Variants in OGDH observed in about 807,000 individuals in gnomAD.
The protein encoded by OGDH is oxoglutarate dehydrogenase.
Under a neutral mutation model 116.6 loss-of-function variants are expected in OGDH, and 38 were observed. That is an observed-to-expected ratio of 0.33 (90% CI 0.25 to 0.43). The LOEUF (loss-of-function observed/expected upper bound fraction) is 0.43. OGDH is among the 20% of genes least tolerant of loss of function. The pLI is 1.00. For missense variants in OGDH, 825 were observed against 1,357.2 expected (o/e 0.61, Z 6.16); for synonymous variants, 488 against 533.3 (o/e 0.92, Z 1.17).
chr7:44,625,990 T>TG (rs1347930587), intron 2 of OGDH, among the ~76,000 whole-genome samples: 1 of 151,796 alleles, frequency 6.6e-6, no homozygotes, highest in African/African-American at 2.4e-5. Flanking sequence ...TAAAAGAAGG[T>TG]GGGGGGCGGG....
intron 20 of OGDH, among the ~76,000 whole-genome samples, chr7:44,702,220 GTA>G (rs1788864860): frequency 6.6e-6 from 1 of 152,242 alleles, no homozygotes; most frequent in South Asian, 2.1e-4. Flanking sequence ...AGGCAATTAA[GTA>G]TGTCCAAGAT....
chr7:44,618,721 A>T (rs1449388205), intron 1 of OGDH, among the ~76,000 whole-genome samples: 1 of 152,124 alleles, frequency 6.6e-6, no homozygotes, highest in Non-Finnish European at 1.5e-5. Context: ...TTTTCTCCCC[A>T]AGGGAGGCCA....
intron 18 of OGDH, among the ~76,000 whole-genome samples, chr7:44,698,974 T>G (rs1264763918): frequency 6.6e-6 from 1 of 151,546 alleles, no homozygotes; most frequent in Non-Finnish European, 1.5e-5. Flanking sequence ...TGAAACCCTG[T>G]CTTTACTAAA....
At chr7:44,692,842 C>G (rs1788419458) in intron 10 of OGDH, among the ~76,000 whole-genome samples, 1 of 150,826 alleles carries the variant, frequency 6.6e-6, no homozygotes, top group South Asian at 2.1e-4. Flanking sequence ...CAAGACCAGC[C>G]CGGGCAACAT....
intron 4 of OGDH, among the ~76,000 whole-genome samples, chr7:44,649,245 G>T (rs965786553): frequency 4.1e-3 from 398 of 97,842 alleles, no homozygotes; most frequent in Non-Finnish European, 4.8e-3. Flanking sequence ...ATTTTCTGTT[G>T]TTTTTTTTTT....
At position 44,707,449 on chromosome 7, in the gene OGDH, C is replaced by T. The variant is rs1482220562; in HGVS notation, c.2796+61C>T. ...GCGGGGGTCAGGGCTCTGGTGCCTT[C>T]ACAGAACAGCCTTGCTTGGGGTGTG... is the stretch of plus-strand genomic sequence containing the variant. On this transcript the variant is annotated intron_variant, in intron 21 of 22. Coordinates refer to ENST00000222673, the MANE Select transcript of OGDH (RefSeq NM_002541.4). The surrounding 1 kb of genome is among the most constrained non-coding windows in gnomAD (Gnocchi z 5.2). 2.5e-6 allele frequency: 4 copies of T among 1,604,280 alleles called. No homozygotes were observed. Among genetic ancestry groups the T allele is most frequent in the Non-Finnish European group, 3.4e-6 (4 of 1,174,580 alleles).
chr7:44,628,297 T>C (rs1785286502), intron 2 of OGDH, among the ~76,000 whole-genome samples: 1 of 152,228 alleles, frequency 6.6e-6, no homozygotes, highest in Non-Finnish European at 1.5e-5. Flanking sequence ...TAGAATTTTT[T>C]CTCAGTCCAT....
intron 4 of OGDH, among the ~76,000 whole-genome samples, chr7:44,660,071 TTCTC>T (rs1786868489): frequency 1.3e-5 from 2 of 152,336 alleles, no homozygotes; most frequent in African/African-American, 2.4e-5. Context: ...CTATAAATGT[TTCTC>T]TCAGTACTGG....
rs1388338921 is a variant in OGDH, at chr7:44,694,603, G to C, written c.1668+27G>C. ...TACGTCCCTGCGGCTCTATCCCAGTGCGCCTTTCCAGGGCTGGCGATGACT... is the reference window on the plus strand; with the variant it reads ...TACGTCCCTGCGGCTCTATCCCAGTCCGCCTTTCCAGGGCTGGCGATGACT... On this transcript the variant is annotated intron_variant, in intron 12 of 22. Transcript: ENST00000222673. The surrounding 1 kb of genome is among the most constrained non-coding windows in gnomAD (Gnocchi z 4.2). The C allele has an allele frequency of 6.2e-7, 1 of 1,609,444 alleles. No individual in the cohort carries two copies. The highest frequency in any genetic ancestry group is 2.2e-5 in the East Asian group (1 of 44,730).
At chr7:44,681,928 A>T (rs1787944930) in intron 10 of OGDH, 80 bp downstream of exon 10, 3 of 1,538,732 alleles carry the variant, frequency 1.9e-6, no homozygotes, top group Non-Finnish European at 2.7e-6. Flanking sequence ...TAGGACGTTC[A>T]CTGTTTTCTG....
chr7:44,625,748 G>T (rs1026273235), intron 2 of OGDH, among the ~76,000 whole-genome samples: 1 of 152,170 alleles, frequency 6.6e-6, no homozygotes, highest in Non-Finnish European at 1.5e-5. Context: ...CCAAAAGGAA[G>T]TCTGCTTCCA....
At chr7:44,659,137 C>T (rs548483866) in intron 4 of OGDH, among the ~76,000 whole-genome samples, 113 of 152,222 alleles carry the variant, frequency 7.4e-4, no homozygotes, top group Middle Eastern at 6.8e-3. Flanking sequence ...CACCCCCGGC[C>T]GATTTTTATT....
Position 44,628,282 on chromosome 7 carries a change from T to C in OGDH, c.222+3717T>C, listed in dbSNP as rs1365389353. On this transcript the variant is annotated intron_variant, in intron 2 of 22. Transcript: ENST00000222673. ...CCCAATAAAATTAACAGGCTAATTCTCTAATAGAATTTTTTCTCAGTCCAT... is the reference window on the plus strand; with the variant it reads ...CCCAATAAAATTAACAGGCTAATTCCCTAATAGAATTTTTTCTCAGTCCAT... Among the ~76,000 whole-genome samples, 5 of 152,208 alleles carry C rather than the reference T, an allele frequency of 3.3e-5. No homozygotes were observed. The East Asian group carries it at 9.6e-4, about 29-fold the overall frequency.
chr7:44,670,263 G>T (rs189432707), intron 5 of OGDH, among the ~76,000 whole-genome samples: 2 of 152,284 alleles, frequency 1.3e-5, no homozygotes, highest in East Asian at 3.9e-4. Context: ...AGAGAGGAAA[G>T]GCATGGGCAG....
intron 5 of OGDH, among the ~76,000 whole-genome samples, chr7:44,668,540 G>A (rs140415445): frequency 9.5e-4 from 145 of 152,288 alleles, no homozygotes; most frequent in Admixed American, 1.7e-3. Context: ...CTGCTTCACC[G>A]CCTGCCTTCC....
chr7:44,620,772 C>T (rs1784979293), intron 1 of OGDH, among the ~76,000 whole-genome samples: 2 of 150,814 alleles, frequency 1.3e-5, no homozygotes, highest in Admixed American at 1.3e-4. Flanking sequence ...TTTTTTAAAG[C>T]TCATCAGCTG....
Position 44,645,521 on chromosome 7 carries a change from A to G in OGDH, c.414+3A>G. ...AGTCGCTCATCAGGGCATATCAGGT[A>G]AGGCGGGTGCTTTACCCGCACACGG... On this transcript the variant is annotated splice_donor_region_variant and intron_variant, in intron 3 of 22. Coordinates refer to ENST00000222673, the MANE Select transcript of OGDH (RefSeq NM_002541.4). The G allele has an allele frequency of 1.2e-6, 2 of 1,613,654 alleles. No individual in the cohort carries two copies. Among genetic ancestry groups the G allele is most frequent in the Non-Finnish European group, 1.7e-6 (2 of 1,179,666 alleles).
chr7:44,635,983 G>C (rs773348984), intron 2 of OGDH, among the ~76,000 whole-genome samples: 1 of 152,238 alleles, frequency 6.6e-6, no homozygotes, highest in Non-Finnish European at 1.5e-5. Flanking sequence ...GATTGCAGGC[G>C]TGAGCCACTA....
chr7:44,662,929 G>A (rs1317610689), intron 4 of OGDH, among the ~76,000 whole-genome samples: 2 of 152,030 alleles, frequency 1.3e-5, no homozygotes, highest in Non-Finnish European at 2.9e-5. Flanking sequence ...GATTTCTTTG[G>A]GAATATCCTG....
Sources: allele counts gnomAD v4.1 joint callset (sites outside exome capture counted in the v4.1 genomes callset), GRCh38; gene constraint gnomAD v4.1.1; non-coding constraint Gnocchi (gnomAD v3.1); transcripts MANE v1.5; gene names NCBI Gene and HGNC (gene_info 2026-07-23, HGNC 2026-07-21).